The following L3MBTL4 variants were observed in gnomAD, a reference collection of about 807,000 sequenced individuals.
L3MBTL4 encodes the protein lethal(3)malignant brain tumor-like protein 4.
In L3MBTL4, 70 loss-of-function variants were observed where a neutral mutation model predicts 84.5. The ratio of observed to expected loss-of-function variants is 0.83; its 90% CI spans 0.68 to 1.01. The LOEUF is 1.01. Among genes scored for constraint, L3MBTL4 ranks in the 50% least tolerant of loss-of-function variants. L3MBTL4 has a pLI of 0.00. For synonymous variants in L3MBTL4, 274 were observed against 259.8 expected (o/e 1.05, Z -0.52); for missense variants, 715 against 754.8 (o/e 0.95, Z 0.62).
chr18:6,189,730 T>C (rs1420895676), intron 12 of L3MBTL4, among the ~76,000 whole-genome samples: 3 of 152,198 alleles, frequency 2.0e-5, no homozygotes, highest in Non-Finnish European at 2.9e-5. Flanking sequence ...TAAAATTCCA[T>C]ATCTGAAATT....
chr18:6,202,638 G>C (rs1334055391), intron 12 of L3MBTL4, among the ~76,000 whole-genome samples: 1 of 152,158 alleles, frequency 6.6e-6, no homozygotes, highest in Non-Finnish European at 1.5e-5. Flanking sequence ...TCTGGAGTTA[G>C]TGTCCATTGA....
At chr18:6,290,341 T>C (rs80083905) in intron 4 of L3MBTL4, among the ~76,000 whole-genome samples, 1,787 of 152,102 alleles carry the variant, frequency 0.012, 34 homozygotes, top group African/African-American at 0.042. Context: ...ATCAATATAA[T>C]TTCCTGTGTT....
At chr18:6,408,322 C>T (rs941746719) in intron 1 of L3MBTL4, among the ~76,000 whole-genome samples, 5 of 152,168 alleles carry the variant, frequency 3.3e-5, no homozygotes, top group Admixed American at 6.5e-5. Flanking sequence ...TAAGAAAAAA[C>T]AATCTAATTA....
intron 13 of L3MBTL4, among the ~76,000 whole-genome samples, chr18:6,159,793 C>T (rs1304166648): frequency 6.6e-6 from 1 of 152,186 alleles, no homozygotes. Context: ...CTGTTAGTTA[C>T]TAAGTGGTGC....
intron 16 of L3MBTL4, among the ~76,000 whole-genome samples, chr18:6,045,324 T>G (rs901406563): frequency 1.3e-5 from 2 of 152,208 alleles, no homozygotes; most frequent in Non-Finnish European, 2.9e-5. Flanking sequence ...CTTTTCCATA[T>G]AAGCAACTGC....
chr18:6,408,424 G>A (rs999118556), intron 1 of L3MBTL4, among the ~76,000 whole-genome samples: 5 of 152,224 alleles, frequency 3.3e-5, no homozygotes, highest in Non-Finnish European at 5.9e-5. Context: ...TCAGCAGACA[G>A]ATTCTGTTTC....
chr18:6,353,003 A>G (rs972688842), intron 1 of L3MBTL4, among the ~76,000 whole-genome samples: 8 of 152,238 alleles, frequency 5.3e-5, no homozygotes, highest in African/African-American at 1.9e-4. Flanking sequence ...ACAAAATTAT[A>G]GTTTTTCAAT....
intron 16 of L3MBTL4, among the ~76,000 whole-genome samples, chr18:6,016,263 G>A (rs1034014991): frequency 6.6e-6 from 1 of 152,216 alleles, no homozygotes; most frequent in Non-Finnish European, 1.5e-5. Context: ...GTCAGATGGA[G>A]GTGGACTTTG....
At chr18:5,985,207 A>G (rs557850509) in intron 16 of L3MBTL4, among the ~76,000 whole-genome samples, 1 of 152,332 alleles carries the variant, frequency 6.6e-6, no homozygotes, top group South Asian at 2.1e-4. Flanking sequence ...AATGGATTGA[A>G]GCAGAGGCAA....
intron 17 of L3MBTL4, among the ~76,000 whole-genome samples, chr18:5,964,407 C>T (rs1184908190): frequency 6.6e-6 from 1 of 152,206 alleles, no homozygotes; most frequent in Non-Finnish European, 1.5e-5. Flanking sequence ...TGTTCTCTAT[C>T]TCGCTGAGCC....
At chr18:5,979,872 G>C in intron 16 of L3MBTL4, among the ~76,000 whole-genome samples, 1 of 152,178 alleles carries the variant, frequency 6.6e-6, no homozygotes, top group Non-Finnish European at 1.5e-5. Context: ...TGCTTCCAGG[G>C]ATCCTGCGTG....
intron 17 of L3MBTL4, among the ~76,000 whole-genome samples, chr18:5,961,534 C>A (rs868772359): frequency 1.3e-5 from 2 of 152,312 alleles, no homozygotes; most frequent in Non-Finnish European, 2.9e-5. Context: ...CAAATACATT[C>A]ATGAGTCATT....
At chr18:6,025,583 C>T (rs535277721) in intron 16 of L3MBTL4, among the ~76,000 whole-genome samples, 44 of 152,190 alleles carry the variant, frequency 2.9e-4, no homozygotes, top group Admixed American at 2.6e-3. Context: ...AGTTTCAGGA[C>T]TGCTGCTCTA....
At position 6,158,159 on chromosome 18, in the gene L3MBTL4, C is replaced by T. The variant is rs186191455; in HGVS notation, c.1096+13669G>A. ...GACAAATGTTTTTTGGAAGTCAGAC[C>T]ATGGAAAAACACTAAGAGATACCAC... On this transcript the variant is annotated intron_variant, in intron 13 of 18. Coordinates refer to ENST00000317931, the MANE Select transcript of L3MBTL4 (RefSeq NM_001330559.2). Among the ~76,000 whole-genome samples the T allele has an allele frequency of 2.6e-5, 4 of 152,276 alleles. No individual in the cohort carries two copies. In the East Asian group the frequency reaches 7.7e-4, roughly 29 times the overall value.
chr18:5,978,121 G>A (rs1031945742), intron 16 of L3MBTL4, among the ~76,000 whole-genome samples: 1 of 152,186 alleles, frequency 6.6e-6, no homozygotes, highest in Non-Finnish European at 1.5e-5. Context: ...AGTGGCAAAT[G>A]CTGACTTATT....
At chr18:6,310,947 A>C (rs1211783432) in intron 3 of L3MBTL4, among the ~76,000 whole-genome samples, 1 of 152,132 alleles carries the variant, frequency 6.6e-6, no homozygotes, top group Non-Finnish European at 1.5e-5. Flanking sequence ...GAAGGCCTTA[A>C]GAGAAAAAAC....
chr18:6,207,906 A>G (rs965178859), intron 12 of L3MBTL4, among the ~76,000 whole-genome samples: 2 of 151,900 alleles, frequency 1.3e-5, no homozygotes, highest in Non-Finnish European at 2.9e-5. Context: ...GGAGTTCAAG[A>G]CCAGCCTGGG....
chr18:6,335,776 C>G (rs1402634192), intron 1 of L3MBTL4, among the ~76,000 whole-genome samples: 6 of 152,210 alleles, frequency 3.9e-5, no homozygotes, highest in Non-Finnish European at 2.9e-5. Flanking sequence ...CACTCCCACT[C>G]TCTTCTGCCA....
chr18:6,212,490 T>C (rs1284831397), intron 12 of L3MBTL4, among the ~76,000 whole-genome samples: 5 of 152,230 alleles, frequency 3.3e-5, no homozygotes, highest in African/African-American at 1.2e-4. Flanking sequence ...TAATAAATTC[T>C]ACAGATGCTT....
Sources: gnomAD v4.1 joint callset for allele counts (sites outside exome capture counted in the v4.1 genomes callset) on GRCh38, gnomAD v4.1.1 for gene constraint, MANE v1.5 for transcripts, NCBI Gene and HGNC (gene_info 2026-07-23, HGNC 2026-07-21) for gene names.